The following SCFD2 variants were observed in gnomAD, a reference collection of about 807,000 sequenced individuals.
The protein encoded by SCFD2 is sec1 family domain-containing protein 2.
A neutral mutation model predicts 58.9 loss-of-function variants in SCFD2; 54 were observed. That is an observed-to-expected ratio of 0.92 (90% CI 0.74 to 1.15). The LOEUF is 1.15. Ranked by LOEUF, SCFD2 falls within the 50% of genes most tolerant of loss-of-function variation. The probability of loss-of-function intolerance (pLI) is 0.00; values close to 1 mark genes in which losing one functional copy is unlikely to be tolerated. For synonymous variants in SCFD2, 321 were observed against 335.9 expected (o/e 0.96, Z 0.49); for missense variants, 805 against 836.6 (o/e 0.96, Z 0.47).
chr4:53,254,820 A>T (rs1426372263), intron 4 of SCFD2, among the ~76,000 whole-genome samples: 3 of 64,764 alleles, frequency 4.6e-5, no homozygotes, highest in Non-Finnish European at 9.3e-5. Flanking sequence ...ATTTTATTTT[A>T]TTTTATTTTA....
chr4:52,987,498 A>G (rs1211005185), intron 5 of SCFD2, among the ~76,000 whole-genome samples: 2 of 151,916 alleles, frequency 1.3e-5, no homozygotes, highest in African/African-American at 4.8e-5. Flanking sequence ...TCTCCTTTTC[A>G]TCTCCTTTTC....
At chr4:53,307,584 T>G (rs1360883472) in intron 3 of SCFD2, among the ~76,000 whole-genome samples, 1 of 152,006 alleles carries the variant, frequency 6.6e-6, no homozygotes, top group East Asian at 1.9e-4. Context: ...AATTGTTAAG[T>G]GGGTAATTGA....
intron 5 of SCFD2, among the ~76,000 whole-genome samples, chr4:53,051,772 T>G (rs1393624709): frequency 6.6e-6 from 1 of 152,168 alleles, no homozygotes; most frequent in Non-Finnish European, 1.5e-5. Flanking sequence ...AAGGCTCTGA[T>G]TAAAGAAGAA....
At chr4:53,112,480 C>T (rs1429806191) in intron 5 of SCFD2, among the ~76,000 whole-genome samples, 1 of 152,046 alleles carries the variant, frequency 6.6e-6, no homozygotes, top group African/African-American at 2.4e-5. Context: ...ATGACATCTG[C>T]CATCAAAGGG....
At position 53,074,654 on chromosome 4, in the gene SCFD2, A is replaced by T. The variant is rs6828929; in HGVS notation, c.1561+70679T>A. On this transcript the variant is annotated intron_variant, in intron 5 of 8. Transcript: ENST00000401642. The stretch of plus-strand genomic sequence containing the variant: ...GTTAGCAGGCATAAGAACAACATTC[A>T]TCTCCTTGTACATCTCTGTCAGAGC... Among the ~76,000 whole-genome samples the T allele has an allele frequency of 9.2e-3, 1,406 of 152,318 alleles. 23 individuals carry two copies. Among genetic ancestry groups the T allele is most frequent in the African/African-American group, 0.032 (1,329 of 41,572 alleles).
At chr4:53,258,541 T>TATAC (rs1452176759) in intron 4 of SCFD2, among the ~76,000 whole-genome samples, 1 of 13,272 alleles carries the variant, frequency 7.5e-5, no homozygotes, top group Non-Finnish European at 1.5e-4. Flanking sequence ...TGTGTGTGTA[T>TATAC]ATATATATAT....
intron 4 of SCFD2, among the ~76,000 whole-genome samples, chr4:53,168,425 AAC>A (rs1727079502): frequency 6.6e-6 from 1 of 152,198 alleles, no homozygotes; most frequent in African/African-American, 2.4e-5. Flanking sequence ...AAACCCATGA[AAC>A]ACAAAAAAGC....
intron 5 of SCFD2, among the ~76,000 whole-genome samples, chr4:53,108,047 T>A (rs189938492): frequency 6.6e-6 from 1 of 152,236 alleles, no homozygotes; most frequent in African/African-American, 2.4e-5. Flanking sequence ...GCAATCAAAC[T>A]AGAACTCAGG....
chr4:53,329,096 G>A (rs950792749), intron 2 of SCFD2, among the ~76,000 whole-genome samples: 19 of 152,228 alleles, frequency 1.2e-4, no homozygotes, highest in Admixed American at 2.6e-4. Flanking sequence ...AGGGTCCTAC[G>A]CCCACAGAGT....
chr4:53,332,794 G>A (rs1342691259), intron 2 of SCFD2, among the ~76,000 whole-genome samples: 1 of 151,220 alleles, frequency 6.6e-6, no homozygotes. Context: ...ATTAGGAAAA[G>A]AGGAAGTCAA....
chr4:53,299,499 T>C (rs112519489), intron 3 of SCFD2, among the ~76,000 whole-genome samples: 3,376 of 152,242 alleles, frequency 0.022, 135 homozygotes, highest in African/African-American at 0.077. Context: ...ACAGGGAGAA[T>C]GGAACCAAGT....
At chr4:53,258,963 C>G (rs750847315) in intron 4 of SCFD2, among the ~76,000 whole-genome samples, 2 of 152,022 alleles carry the variant, frequency 1.3e-5, no homozygotes, top group Non-Finnish European at 1.5e-5. Context: ...ATAGGCATTT[C>G]CCTGATAATT....
At chr4:53,349,742 CTA>C (rs1175941937) in intron 2 of SCFD2, among the ~76,000 whole-genome samples, 2 of 152,134 alleles carry the variant, frequency 1.3e-5, no homozygotes, top group African/African-American at 2.4e-5. Context: ...ACTTTTATAC[CTA>C]TGTTTGTTCT....
In SCFD2 at chr4:53,279,613, T is replaced by C. The variant is rs1350947760; in HGVS notation, c.1136-5612A>G. On this transcript the variant is annotated intron_variant, in intron 3 of 8. Coordinates refer to ENST00000401642, the MANE Select transcript of SCFD2 (RefSeq NM_152540.4). ...ATGTCAATATAGTTTGTGATTCTTA[T>C]GATATTGAATTCAACTGAATTCCAA... Among the ~76,000 whole-genome samples the C allele has an allele frequency of 1.5e-4, 23 of 152,372 alleles. No homozygotes were observed. In the East Asian group the frequency reaches 4.4e-3, roughly 29 times the overall value.
At chr4:53,184,728 C>T (rs536314433) in intron 4 of SCFD2, among the ~76,000 whole-genome samples, 1 of 152,214 alleles carries the variant, frequency 6.6e-6, no homozygotes, top group South Asian at 2.1e-4. Context: ...CAATCCCTCA[C>T]TTACTGTTTA....
intron 5 of SCFD2, among the ~76,000 whole-genome samples, chr4:53,103,183 G>A (rs1724878573): frequency 6.6e-6 from 1 of 152,010 alleles, no homozygotes; most frequent in African/African-American, 2.4e-5. Flanking sequence ...ATAAATCAAT[G>A]TCTTGACTGG....
intron 4 of SCFD2, among the ~76,000 whole-genome samples, chr4:53,267,013 C>A (rs1731007442): frequency 6.6e-6 from 1 of 152,208 alleles, no homozygotes; most frequent in Non-Finnish European, 1.5e-5. Flanking sequence ...AGGTCTCTTG[C>A]TGGCTAGTTG....
chr4:53,039,805 G>A (rs113816041), intron 5 of SCFD2, among the ~76,000 whole-genome samples: 7 of 152,252 alleles, frequency 4.6e-5, no homozygotes, highest in African/African-American at 9.6e-5. Context: ...ACATTGTGAC[G>A]TAAGACCATG....
intron 3 of SCFD2, among the ~76,000 whole-genome samples, chr4:53,295,673 G>A (rs750484157): frequency 2.6e-5 from 4 of 152,118 alleles, no homozygotes; most frequent in Non-Finnish European, 1.5e-5. Flanking sequence ...CCAATACTAC[G>A]TTGAAAAGGA....
Sources: gnomAD v4.1 joint callset for allele counts (sites outside exome capture counted in the v4.1 genomes callset) on GRCh38, gnomAD v4.1.1 for gene constraint, MANE v1.5 for transcripts, NCBI Gene and HGNC (gene_info 2026-07-23, HGNC 2026-07-21) for gene names.